The following TP63 variants were observed in gnomAD, a reference collection of about 807,000 sequenced individuals.
The protein encoded by TP63 is tumor protein p63.
In TP63, 17 loss-of-function variants were observed where a neutral mutation model predicts 82.8. That is an observed-to-expected ratio of 0.21 (90% CI 0.14 to 0.31). The LOEUF (loss-of-function observed/expected upper bound fraction) is 0.31, where lower values mean the gene tolerates loss of function less well. Ranked by LOEUF, TP63 falls within the 10% of genes least tolerant of loss-of-function variation. The pLI, the probability that TP63 is intolerant of heterozygous loss-of-function variation, is 1.00. For missense variants in TP63, 648 were observed against 895.3 expected, an observed-to-expected ratio of 0.72 and a Z score of 3.52; for synonymous variants, 330 against 321.7, an observed-to-expected ratio of 1.03 and a Z score of -0.28.
In TP63 at chr3:189,866,875, C is replaced by T. The variant is rs919732200; in HGVS notation, c.882+78C>T. The T allele has an allele frequency of 1.0e-5, 12 of 1,163,326 alleles. No homozygotes were observed. The Admixed American group carries it at 1.4e-4, about 14-fold the overall frequency. 72.1% of individuals were successfully genotyped at this position (1,163,326 alleles called of 1,614,324 possible). A position where few individuals can be genotyped will look rare whatever the true frequency, so the allele number is the denominator to read the frequency against. ...CTTGAGAGAACATCTGTTTCAGCAA[C>T]AGGGATGTTTCTAGCATCTATCACT... is the stretch of plus-strand genomic sequence containing the variant. On this transcript the variant is annotated intron_variant, in intron 6 of 13. Coordinates refer to ENST00000264731, the MANE Select transcript of TP63 (RefSeq NM_003722.5).
intron 3 of TP63, among the ~76,000 whole-genome samples, chr3:189,806,767 G>A (rs1374297718): frequency 6.6e-6 from 1 of 152,114 alleles, no homozygotes; most frequent in Non-Finnish European, 1.5e-5. Flanking sequence ...CATGGCATTC[G>A]GCAGTGGAAT....
intron 4 of TP63, among the ~76,000 whole-genome samples, chr3:189,844,607 T>A (rs559338523): frequency 7.9e-5 from 12 of 152,292 alleles, no homozygotes; most frequent in South Asian, 4.2e-4. Context: ...TTACATTTTT[T>A]AAAAAATAAT....
chr3:189,683,341 C>T (rs964290783), intron 1 of TP63, among the ~76,000 whole-genome samples: 4 of 152,192 alleles, frequency 2.6e-5, no homozygotes, highest in South Asian at 4.2e-4. Context: ...CATATGTTGC[C>T]CAAGGCTTAT....
At chr3:189,792,452 G>C (rs1359549643) in intron 3 of TP63, among the ~76,000 whole-genome samples, 1 of 152,034 alleles carries the variant, frequency 6.6e-6, no homozygotes, top group Non-Finnish European at 1.5e-5. Context: ...TGTGTGTGTG[G>C]TGTAAGTGTG....
At chr3:189,697,024 GTTTTAA>G in intron 1 of TP63, among the ~76,000 whole-genome samples, 1 of 151,906 alleles carries the variant, frequency 6.6e-6, no homozygotes, top group East Asian at 1.9e-4. Flanking sequence ...AAAACAAAAG[GTTTTAA>G]TTTTAGTAAA....
At chr3:189,842,176 C>T (rs993835994) in intron 4 of TP63, among the ~76,000 whole-genome samples, 7 of 152,050 alleles carry the variant, frequency 4.6e-5, no homozygotes, top group Non-Finnish European at 7.3e-5. Flanking sequence ...GACAGACATG[C>T]TGCTACTGCA....
the TP63 span, among the ~76,000 whole-genome samples, chr3:189,624,912 T>C: frequency 7.9e-5 from 12 of 152,276 alleles, no homozygotes; most frequent in African/African-American, 2.9e-4. Context: ...AATTTAGCTA[T>C]ACATAAATGT....
chr3:189,883,969 T>G (rs2108849025), intron 10 of TP63, among the ~76,000 whole-genome samples: 1 of 152,252 alleles, frequency 6.6e-6, no homozygotes, highest in Admixed American at 6.5e-5. Context: ...TTAAATGTAT[T>G]TTTATTTTTC....
chr3:189,608,008 CTTAAG>C, the TP63 span, among the ~76,000 whole-genome samples: 259 of 152,250 alleles, frequency 1.7e-3, 4 homozygotes, highest in Middle Eastern at 0.014. Context: ...GCAAAGGGTT[CTTAAG>C]TTGTTTAAGA....
At chr3:189,691,354 A>AG (rs1716907274) in intron 1 of TP63, among the ~76,000 whole-genome samples, 1 of 147,180 alleles carries the variant, frequency 6.8e-6, no homozygotes, top group Non-Finnish European at 1.5e-5. Context: ...AAAAAAAAAA[A>AG]AAAAAAGAAA....
At chr3:189,691,338 C>CAAAAAAA (rs781098833) in intron 1 of TP63, among the ~76,000 whole-genome samples, 184 of 66,680 alleles carry the variant, frequency 2.8e-3, no homozygotes, top group Middle Eastern at 8.3e-3. Flanking sequence ...GACTCCATCT[C>CAAAAAAA]AAAAAAAAAA....
intron 4 of TP63, among the ~76,000 whole-genome samples, chr3:189,814,081 C>A (rs1442151884): frequency 1.3e-5 from 2 of 152,188 alleles, no homozygotes; most frequent in East Asian, 1.9e-4. Flanking sequence ...CTTGGTCTCG[C>A]AAGCTCACTC....
At chr3:189,840,588 C>A (rs1185215341) in intron 4 of TP63, among the ~76,000 whole-genome samples, 1 of 151,238 alleles carries the variant, frequency 6.6e-6, no homozygotes, top group Non-Finnish European at 1.5e-5. Flanking sequence ...TGGCTGGGTG[C>A]GGTGGCTCAC....
intron 10 of TP63, chr3:189,880,425 G>A (rs1422346401): frequency 3.6e-6 from 4 of 1,097,122 alleles, no homozygotes; most frequent in Non-Finnish European, 4.4e-6. Flanking sequence ...ATTGGTGGGT[G>A]AGGAACCACT....
chr3:189,763,407 A>G (rs541358025), intron 3 of TP63, among the ~76,000 whole-genome samples: 13 of 152,342 alleles, frequency 8.5e-5, no homozygotes, highest in African/African-American at 3.1e-4. Context: ...TCCTACATTC[A>G]GTTACGTTTG....
At chr3:189,709,626 C>G (rs1018868174) in intron 1 of TP63, among the ~76,000 whole-genome samples, 6 of 152,050 alleles carry the variant, frequency 3.9e-5, no homozygotes, top group African/African-American at 1.4e-4. Context: ...GCCTGGGCAA[C>G]AGAGCAAGAC....
rs571337016 is a variant in TP63, at chr3:189,764,886, T to TGGAGC, written c.324+26114_324+26118dup. On this transcript the variant is annotated intron_variant, in intron 3 of 13. Transcript: ENST00000264731. The stretch of plus-strand genomic sequence containing the variant: ...ATAAGACCCATGCTTTGTCCTGGAA[T>TGGAGC]GGAGCGCACTTTGTTCTAGTAAATG... 7.9e-5 allele frequency among the ~76,000 whole-genome samples: 12 copies of TGGAGC among 152,342 alleles called. No homozygotes were observed. In the East Asian group the frequency reaches 2.1e-3, roughly 27 times the overall value.
intron 1 of TP63, among the ~76,000 whole-genome samples, chr3:189,676,296 T>G (rs1472134785): frequency 6.6e-6 from 1 of 152,090 alleles, no homozygotes; most frequent in East Asian, 1.9e-4. Context: ...CATTGTGCCC[T>G]TTCACCAATA....
At chr3:189,881,122 T>C (rs1204571205) in intron 10 of TP63, 1 of 985,378 alleles carries the variant, frequency 1.0e-6, no homozygotes, top group East Asian at 1.1e-4. Flanking sequence ...CCCTCAAGCC[T>C]ACCTACCATA....
Sources: allele counts gnomAD v4.1 joint callset (sites outside exome capture counted in the v4.1 genomes callset), GRCh38; gene constraint gnomAD v4.1.1; transcripts MANE v1.5; gene names NCBI Gene and HGNC (gene_info 2026-07-23, HGNC 2026-07-21).